The following AOPEP variants were observed in gnomAD, a reference collection of about 807,000 sequenced individuals.
AOPEP encodes aminopeptidase O (putative).
A neutral mutation model predicts 98.1 loss-of-function variants in AOPEP; 77 were observed. The ratio of observed to expected loss-of-function variants is 0.78; its 90% CI spans 0.65 to 0.95. The LOEUF is 0.95. AOPEP is among the 40% of genes least tolerant of loss of function. The pLI is 0.00. For synonymous variants in AOPEP, 346 were observed against 365.3 expected (o/e 0.95, Z 0.60); for missense variants, 1,024 against 1,024.7 (o/e 1.00, Z 0.01).
chr9:94,962,845 G>A (rs911947304), intron 9 of AOPEP, among the ~76,000 whole-genome samples: 1 of 147,456 alleles, frequency 6.8e-6, no homozygotes, highest in Non-Finnish European at 1.5e-5. Flanking sequence ...CCATTCTCCC[G>A]CCATTCTCCT....
chr9:94,891,295 C>T lies in AOPEP; in HGVS notation c.1365-32691C>T, dbSNP rs528114981. 3.9e-5 allele frequency among the ~76,000 whole-genome samples: 6 copies of T among 152,310 alleles called. No homozygotes were observed. The East Asian group carries it at 1.2e-3, about 29-fold the overall frequency. On this transcript the variant is annotated intron_variant, in intron 5 of 16. Coordinates refer to ENST00000375315, the MANE Select transcript of AOPEP (RefSeq NM_001193329.3). Reference sequence around the variant, plus strand: ...TGATATATCTTTTTCTATCCTGTCACTTTCAACCTACCTATGTTGTTACGC... The same window carrying T: ...TGATATATCTTTTTCTATCCTGTCATTTTCAACCTACCTATGTTGTTACGC...
chr9:95,048,370 T>G (rs1420915623), intron 13 of AOPEP, among the ~76,000 whole-genome samples: 2 of 150,590 alleles, frequency 1.3e-5, no homozygotes, highest in Non-Finnish European at 3.0e-5. Flanking sequence ...CTTGTTGAAG[T>G]GCTGAGATGA....
At chr9:95,102,307 T>C in the AOPEP span, among the ~76,000 whole-genome samples, 2 of 152,224 alleles carry the variant, frequency 1.3e-5, no homozygotes, top group Admixed American at 1.3e-4. Flanking sequence ...CTGGCATCCC[T>C]GGGCTAGCAA....
intron 5 of AOPEP, among the ~76,000 whole-genome samples, chr9:94,895,231 AAATAAAAT>A: frequency 2.0e-4 from 5 of 24,926 alleles, no homozygotes; most frequent in African/African-American, 3.6e-4. Context: ...AAAAAAAATA[AAATAAAAT>A]AAAAAAAAAA....
intron 5 of AOPEP, among the ~76,000 whole-genome samples, chr9:94,896,303 A>T (rs913736571): frequency 2.0e-5 from 3 of 152,260 alleles, no homozygotes. Flanking sequence ...TATGATATGA[A>T]TAAATTATGG....
intron 13 of AOPEP, among the ~76,000 whole-genome samples, chr9:95,060,428 GT>G (rs1489358827): frequency 3.9e-5 from 6 of 152,220 alleles, no homozygotes; most frequent in Non-Finnish European, 7.3e-5. Context: ...GATAAGCACA[GT>G]TTTGATCTGC....
chr9:95,024,493 G>A (rs1261888796), intron 13 of AOPEP, among the ~76,000 whole-genome samples: 2 of 152,326 alleles, frequency 1.3e-5, no homozygotes, highest in East Asian at 1.9e-4. Context: ...CTAGGGAAAC[G>A]CCACCTGGTC....
intron 14 of AOPEP, among the ~76,000 whole-genome samples, chr9:95,079,135 C>T (rs184130634): frequency 2.0e-5 from 3 of 152,320 alleles, no homozygotes; most frequent in African/African-American, 2.4e-5. Context: ...AGCCCAGGGC[C>T]GCCCAGTGGA....
At chr9:94,943,919 CAAAAAAAA>C (rs775807087) in intron 7 of AOPEP, among the ~76,000 whole-genome samples, 2 of 17,396 alleles carry the variant, frequency 1.1e-4, no homozygotes, top group African/African-American at 1.9e-4. Context: ...GACTCCATCT[CAAAAAAAA>C]AAAAAAAAAA....
intron 2 of AOPEP, among the ~76,000 whole-genome samples, chr9:94,765,359 G>A (rs908690914): frequency 1.3e-5 from 2 of 150,760 alleles, no homozygotes; most frequent in African/African-American, 2.4e-5. Flanking sequence ...TAGCACTTTG[G>A]AAGACAGAGG....
At chr9:94,997,578 T>G (rs2061321400) in intron 11 of AOPEP, among the ~76,000 whole-genome samples, 2 of 152,234 alleles carry the variant, frequency 1.3e-5, no homozygotes, top group Non-Finnish European at 2.9e-5. Flanking sequence ...GATGTGAACC[T>G]AAGTGGTCAC....
chr9:95,104,070 G>A, the AOPEP span, among the ~76,000 whole-genome samples: 1 of 152,142 alleles, frequency 6.6e-6, no homozygotes, highest in Non-Finnish European at 1.5e-5. Context: ...CAACCATCTG[G>A]CCACCACCTG....
At chr9:95,090,194 T>G (rs1489948258), downstream of AOPEP, among the ~76,000 whole-genome samples, 1 of 151,266 alleles carries the variant, frequency 6.6e-6, no homozygotes, top group African/African-American at 2.4e-5. Flanking sequence ...ATCTGTCCCC[T>G]GAGTGGTAGG....
intron 5 of AOPEP, among the ~76,000 whole-genome samples, chr9:94,886,616 T>C (rs2048271959): frequency 6.6e-6 from 1 of 152,210 alleles, no homozygotes; most frequent in South Asian, 2.1e-4. Flanking sequence ...GATAATATTA[T>C]GCAAGATTTT....
intron 13 of AOPEP, among the ~76,000 whole-genome samples, chr9:95,015,382 A>T (rs534384192): frequency 6.6e-6 from 1 of 152,192 alleles, no homozygotes; most frequent in African/African-American, 2.4e-5. Context: ...CGATTTGGAA[A>T]CCCAAGGCCA....
At chr9:94,829,197 C>T (rs1465848295) in intron 5 of AOPEP, among the ~76,000 whole-genome samples, 3 of 150,550 alleles carry the variant, frequency 2.0e-5, no homozygotes, top group South Asian at 2.1e-4. Flanking sequence ...AACCAGTTTA[C>T]ACACACACAC....
In AOPEP at chr9:94,760,472, G is replaced by A. The variant is rs1837990995; in HGVS notation, c.689G>A (p.Arg230Lys). 13 of 1,613,388 alleles carry A rather than the reference G, an allele frequency of 8.1e-6. No individual in the cohort carries two copies. The highest frequency in any genetic ancestry group is 1.1e-5 in the Non-Finnish European group (13 of 1,179,810). Reference sequence around the variant, plus strand: ...ACTGACACTTGGAGCTTGCAGATAAGGAAGACAGGGGCTCAGACAGCTACT... The same window carrying A: ...ACTGACACTTGGAGCTTGCAGATAAAGAAGACAGGGGCTCAGACAGCTACT... ...FDTDTWSLQI[R>K]KTGAQTATDF... The change falls in exon 2 of 17, where the codon AGG becomes AAG. Residue 230 changes from arginine to lysine, a missense_variant. Arg to Lys is a conservative substitution (Grantham distance 26). Transcript: ENST00000375315.
chr9:94,987,549 G>A (rs2060599559), intron 11 of AOPEP, among the ~76,000 whole-genome samples: 1 of 152,182 alleles, frequency 6.6e-6, no homozygotes, highest in African/African-American at 2.4e-5. Context: ...GGCGTCCTCA[G>A]CTGGAAGGGT....
intron 11 of AOPEP, among the ~76,000 whole-genome samples, chr9:94,991,961 A>G (rs1318733451): frequency 7.0e-6 from 1 of 143,826 alleles, no homozygotes; most frequent in East Asian, 1.9e-4. Context: ...ACTAAATTAC[A>G]TAATACCAGG....
Sources: gnomAD v4.1 joint callset for allele counts (sites outside exome capture counted in the v4.1 genomes callset) on GRCh38, gnomAD v4.1.1 for gene constraint, MANE v1.5 for transcripts, NCBI Gene and HGNC (gene_info 2026-07-23, HGNC 2026-07-21) for gene names.